Variants in CYP4X1 observed in about 807,000 individuals in gnomAD.
CYP4X1 encodes cytochrome P450 4X1.
CYP4X1 carries 44 observed loss-of-function variants against 57.9 expected under a neutral mutation model. The ratio of observed to expected loss-of-function variants is 0.76; its 90% CI spans 0.60 to 0.98. CYP4X1 has a LOEUF of 0.98. Ranked by LOEUF, CYP4X1 falls within the 50% of genes least tolerant of loss-of-function variation. The pLI is 0.00. For missense variants in CYP4X1, 532 were observed against 623.9 expected, an observed-to-expected ratio of 0.85 and a Z score of 1.57; for synonymous variants, 227 against 228.6, an observed-to-expected ratio of 0.99 and a Z score of 0.06.
At chr1:47,012,212 T>C in the CYP4X1 span, among the ~76,000 whole-genome samples, 17 of 152,324 alleles carry the variant, frequency 1.1e-4, no homozygotes, top group Non-Finnish European at 1.9e-4. Flanking sequence ...ATATACACCA[T>C]TGAATACTAA....
chr1:46,983,727 G>A, the CYP4X1 span, among the ~76,000 whole-genome samples: 1 of 152,190 alleles, frequency 6.6e-6, no homozygotes, highest in African/African-American at 2.4e-5. Flanking sequence ...CCAGCCTGAG[G>A]GCAGTAGAGG....
chr1:47,012,975 T>C, the CYP4X1 span, among the ~76,000 whole-genome samples: 2 of 152,148 alleles, frequency 1.3e-5, no homozygotes, highest in African/African-American at 2.4e-5. Context: ...CTACGTTTTG[T>C]TGTTGTTGTT....
At chr1:47,023,460 G>A (rs956496485), upstream of CYP4X1, 1 of 930,452 alleles carries the variant, frequency 1.1e-6, no homozygotes, top group Admixed American at 5.8e-5. Context: ...TTTATAATTT[G>A]TGATAAGGAA....
At chr1:46,961,780 G>C in the CYP4X1 span, 1 of 1,303,620 alleles carries the variant, frequency 7.7e-7, no homozygotes, top group African/African-American at 1.5e-5. Flanking sequence ...TGCCTTTCTT[G>C]CCTTGCCCAC....
the CYP4X1 span, among the ~76,000 whole-genome samples, chr1:46,968,377 T>C: frequency 1.3e-5 from 2 of 152,194 alleles, no homozygotes; most frequent in African/African-American, 4.8e-5. Context: ...TCCCATGCTC[T>C]TCATCACAGC....
chr1:47,048,490 A>C, intron 9 of CYP4X1, 75 bp from the exon 10 acceptor site: 4 of 1,501,636 alleles, frequency 2.7e-6, no homozygotes, highest in Non-Finnish European at 3.7e-6. Flanking sequence ...CAAGAACAAA[A>C]GTCTTGTTTA....
Position 47,023,738 on chromosome 1 carries a change from C to G in CYP4X1, c.-80C>G, listed in dbSNP as rs1644024972. 3 of 1,529,292 alleles carry G rather than the reference C, an allele frequency of 2.0e-6. No individual in the cohort carries two copies. The highest frequency in any genetic ancestry group is 2.6e-6 in the Non-Finnish European group (3 of 1,140,238). The allele number at this position is 1,529,292 out of a possible 1,614,324, so 94.7% of individuals were successfully genotyped here. A position where few individuals can be genotyped will look rare whatever the true frequency, so the allele number is the denominator to read the frequency against. The stretch of plus-strand genomic sequence containing the variant: ...CAGAGAGGCGGTGGGGTGGGCGACC[C>G]TACGCCAGCTCCGGGCGGGAGAAAG... On this transcript the variant is annotated 5_prime_UTR_variant, in exon 1 of 12. Coordinates refer to ENST00000371901, the MANE Select transcript of CYP4X1 (RefSeq NM_178033.2).
the CYP4X1 span, among the ~76,000 whole-genome samples, chr1:47,005,818 T>C: frequency 4.6e-5 from 7 of 152,246 alleles, no homozygotes; most frequent in African/African-American, 1.7e-4. Context: ...ATGTCAGTGT[T>C]TGGCATAGAA....
At chr1:46,999,155 C>T in the CYP4X1 span, among the ~76,000 whole-genome samples, 2 of 151,818 alleles carry the variant, frequency 1.3e-5, no homozygotes, top group African/African-American at 4.8e-5. Context: ...TCAATACCAG[C>T]TCTTCTCTGT....
the CYP4X1 span, among the ~76,000 whole-genome samples, chr1:47,016,138 G>A: frequency 6.6e-6 from 1 of 151,438 alleles, no homozygotes; most frequent in Non-Finnish European, 1.5e-5. Flanking sequence ...CTGACCCCTG[G>A]TATGTCTCCT....
upstream of CYP4X1, among the ~76,000 whole-genome samples, chr1:47,023,311 C>G (rs1003242557): frequency 1.3e-5 from 2 of 152,124 alleles, no homozygotes; most frequent in African/African-American, 4.8e-5. Flanking sequence ...GGGTGGGAAT[C>G]AGTTGTAAAC....
intron 8 of CYP4X1, among the ~76,000 whole-genome samples, chr1:47,041,275 A>G (rs950963828): frequency 5.9e-5 from 9 of 152,286 alleles, no homozygotes; most frequent in African/African-American, 2.2e-4. Context: ...TGTCTCTTCA[A>G]TGCACTGATT....
chr1:46,976,509 T>C, the CYP4X1 span, among the ~76,000 whole-genome samples: 1 of 152,152 alleles, frequency 6.6e-6, no homozygotes, highest in African/African-American at 2.4e-5. Flanking sequence ...AGACTCCACC[T>C]CTGTAGGCAT....
In CYP4X1 at chr1:47,038,670, C is replaced by T; in HGVS notation, c.786C>T (p.Ile262=). 6.2e-7 allele frequency: 1 copy of T among 1,605,874 alleles called. No individual in the cohort carries two copies. Among genetic ancestry groups the T allele is most frequent in the Non-Finnish European group, 8.5e-7 (1 of 1,176,332 alleles). Residue 262 remains isoleucine, a synonymous_variant, in exon 7 of 12, where the codon ATC becomes ATT. Transcript: ENST00000371901. ...TATTTTTCTACCCAGATACAATAAT[C>T]CAGGAAAGAAAGAAATCCCTCCAGG... ...RVLNQYTDTI[I]QERKKSLQAG... is the part of the protein sequence containing the mutation.
upstream of CYP4X1, among the ~76,000 whole-genome samples, chr1:47,023,273 A>G (rs1004095314): frequency 6.6e-6 from 1 of 152,190 alleles, no homozygotes; most frequent in African/African-American, 2.4e-5. Flanking sequence ...GGCAGCTTGA[A>G]CTAGCTCATG....
In CYP4X1 at chr1:47,023,930, G is replaced by C. The variant is rs1010232269; in HGVS notation, c.113G>C (p.Arg38Pro). ...QAIKLYLRRQ[R>P]LLRDLRPFPA... ...ATTAAGCTGTACCTGCGGAGGCAGC[G>C]GCTGCTGCGGGACCTGCGCCCCTTC... is the stretch of plus-strand genomic sequence containing the variant. The change falls in exon 1 of 12, where the codon CGG becomes CCG. Residue 38 changes from arginine to proline, a missense_variant. Physicochemically the swap from Arg to Pro is moderately radical, Grantham distance 103. Coordinates refer to ENST00000371901, the MANE Select transcript of CYP4X1 (RefSeq NM_178033.2). 1 of 1,613,524 alleles carries C rather than the reference G, an allele frequency of 6.2e-7. No individual in the cohort carries two copies. Among genetic ancestry groups the C allele is most frequent in the Middle Eastern group, 1.8e-4 (1 of 5,616 alleles).
chr1:47,036,370 T>TTATATATA (rs58369367), intron 6 of CYP4X1, among the ~76,000 whole-genome samples, 199 bp downstream of exon 6: 1,465 of 129,812 alleles, frequency 0.011, 77 homozygotes, highest in African/African-American at 0.039. Context: ...ATCAGAATTT[T>TTATATATA]TATATATATA....
chr1:47,006,773 C>A, the CYP4X1 span, among the ~76,000 whole-genome samples: 3 of 152,316 alleles, frequency 2.0e-5, no homozygotes, highest in South Asian at 6.2e-4. Context: ...AACGGCACAC[C>A]AGGAGATTAT....
At chr1:47,038,575 G>A (rs571577296) in intron 6 of CYP4X1, 85 bp from the exon 7 acceptor site, 198 of 962,012 alleles carry the variant, frequency 2.1e-4, no homozygotes, top group Non-Finnish European at 2.8e-4. Flanking sequence ...GGCAAGATTT[G>A]AAGCTATTCA....
Sources: allele counts gnomAD v4.1 joint callset (sites outside exome capture counted in the v4.1 genomes callset), GRCh38; gene constraint gnomAD v4.1.1; transcripts MANE v1.5; gene names NCBI Gene and HGNC (gene_info 2026-07-23, HGNC 2026-07-21).